NPAS3: variants seen among roughly 807,000 people sequenced by gnomAD.
NPAS3 encodes neuronal PAS domain-containing protein 3.
NPAS3 carries 14 observed loss-of-function variants against 73.1 expected under a neutral mutation model. That is an observed-to-expected ratio of 0.19 (90% CI 0.13 to 0.30). The LOEUF is 0.30. Among genes scored for constraint, NPAS3 ranks in the 10% least tolerant of loss-of-function variants. The probability of loss-of-function intolerance (pLI) is 1.00; values close to 1 mark genes in which losing one functional copy is unlikely to be tolerated. For synonymous variants in NPAS3, 620 were observed against 541.5 expected (o/e 1.14, Z -2.01); for missense variants, 1,096 against 1,250.0 (o/e 0.88, Z 1.86).
intron 4 of NPAS3, 110 bp from the exon 5 acceptor site, chr14:33,560,009 CAA>C (rs33950536): frequency 9.1e-3 from 3,538 of 389,000 alleles, no homozygotes; most frequent in South Asian, 0.016. Context: ...GACTCTGTCT[CAA>C]AAAAAAAAAA....
At chr14:33,744,139 A>G (rs1337047754) in intron 7 of NPAS3, among the ~76,000 whole-genome samples, 1 of 152,202 alleles carries the variant, frequency 6.6e-6, no homozygotes, top group Admixed American at 6.5e-5. Flanking sequence ...ACTGGCACCA[A>G]GAGGCTTTTG....
At chr14:33,727,202 G>A (rs2148333) in intron 6 of NPAS3, among the ~76,000 whole-genome samples, 68,502 of 120,190 alleles carry the variant, frequency 0.57, 16,866 homozygotes, top group Middle Eastern at 0.66. Context: ...ACCAGCTACC[G>A]CCCCATGGAT....
intron 2 of NPAS3, among the ~76,000 whole-genome samples, chr14:33,198,411 C>T (rs1194665150): frequency 1.3e-5 from 2 of 152,184 alleles, no homozygotes; most frequent in Admixed American, 6.5e-5. Context: ...GGCAGATTTA[C>T]AATTCCTGAG....
intron 2 of NPAS3, among the ~76,000 whole-genome samples, chr14:33,057,435 A>G (rs10147817): frequency 0.48 from 72,807 of 152,050 alleles, 20,009 homozygotes; most frequent in African/African-American, 0.77. Flanking sequence ...GTATAAGAAG[A>G]GGGTCCTTTA....
At chr14:33,629,045 C>A (rs893241526) in intron 5 of NPAS3, among the ~76,000 whole-genome samples, 1 of 151,970 alleles carries the variant, frequency 6.6e-6, no homozygotes, top group Non-Finnish European at 1.5e-5. Flanking sequence ...TCCTGGCTAA[C>A]ACGGTGAAAC....
chr14:32,974,015 T>C (rs2037549361), intron 1 of NPAS3, among the ~76,000 whole-genome samples: 1 of 152,220 alleles, frequency 6.6e-6, no homozygotes, highest in South Asian at 2.1e-4. Flanking sequence ...TAAATGGATT[T>C]CTGTTCCTTT....
intron 5 of NPAS3, among the ~76,000 whole-genome samples, chr14:33,609,929 GTTTA>G (rs932090550): frequency 1.3e-5 from 2 of 152,086 alleles, no homozygotes; most frequent in African/African-American, 4.8e-5. Flanking sequence ...TTGTTCATTT[GTTTA>G]TTTAAGTCTT....
chr14:33,483,695 C>T (rs552678784), intron 4 of NPAS3, among the ~76,000 whole-genome samples: 1 of 152,294 alleles, frequency 6.6e-6, no homozygotes, highest in Non-Finnish European at 1.5e-5. Flanking sequence ...TATGAGACTG[C>T]TAATGGAAAC....
intron 3 of NPAS3, among the ~76,000 whole-genome samples, chr14:33,331,172 G>A (rs532009993): frequency 6.6e-6 from 1 of 152,234 alleles, no homozygotes; most frequent in Non-Finnish European, 1.5e-5. Context: ...GATCTCATCA[G>A]TACCGAGACA....
intron 2 of NPAS3, among the ~76,000 whole-genome samples, chr14:33,173,400 A>G (rs1222513702): frequency 6.6e-6 from 1 of 152,182 alleles, no homozygotes; most frequent in Non-Finnish European, 1.5e-5. Flanking sequence ...GAAAATATCA[A>G]TGGTATAGGA....
At chr14:33,102,582 T>C (rs1311346399) in intron 2 of NPAS3, among the ~76,000 whole-genome samples, 2 of 152,162 alleles carry the variant, frequency 1.3e-5, no homozygotes, top group Admixed American at 6.5e-5. Context: ...ATTATTTTTA[T>C]TGGAGTGCCG....
chr14:33,683,355 G>A (rs1566419795), intron 6 of NPAS3, among the ~76,000 whole-genome samples: 2 of 142,526 alleles, frequency 1.4e-5, no homozygotes, highest in South Asian at 2.2e-4. Context: ...GTGATTGATA[G>A]GGATGTATTT....
chr14:33,126,503 T>C (rs937637654), intron 2 of NPAS3, among the ~76,000 whole-genome samples: 20 of 151,922 alleles, frequency 1.3e-4, no homozygotes, highest in Non-Finnish European at 5.9e-5. Flanking sequence ...GGATGGGAGA[T>C]TGTGGAGGTG....
intron 4 of NPAS3, among the ~76,000 whole-genome samples, chr14:33,551,588 C>T (rs1420011505): frequency 6.6e-6 from 1 of 152,116 alleles, no homozygotes; most frequent in Non-Finnish European, 1.5e-5. Context: ...TATGTATATA[C>T]TACCAGAGAA....
intron 2 of NPAS3, among the ~76,000 whole-genome samples, chr14:33,102,676 A>G (rs1365838838): frequency 1.3e-5 from 2 of 152,168 alleles, no homozygotes; most frequent in Non-Finnish European, 2.9e-5. Context: ...TGAAGCTGCT[A>G]TTGCCAGCAT....
At chr14:33,282,977 A>AT (rs2041691747) in intron 3 of NPAS3, among the ~76,000 whole-genome samples, 2 of 152,146 alleles carry the variant, frequency 1.3e-5, no homozygotes, top group Non-Finnish European at 2.9e-5. Flanking sequence ...CATTCTTGAG[A>AT]TTCCCCTAGA....
chr14:33,773,461 C>A (rs182767604), intron 7 of NPAS3, among the ~76,000 whole-genome samples: 1 of 152,296 alleles, frequency 6.6e-6, no homozygotes, highest in Non-Finnish European at 1.5e-5. Context: ...CATAGTGGCA[C>A]AAATCCTGCC....
intron 4 of NPAS3, among the ~76,000 whole-genome samples, chr14:33,468,702 GA>G (rs1474112611): frequency 6.6e-6 from 1 of 152,102 alleles, no homozygotes; most frequent in East Asian, 1.9e-4. Flanking sequence ...CTTATTACAA[GA>G]GTGGTCATCG....
intron 2 of NPAS3, among the ~76,000 whole-genome samples, chr14:33,166,931 C>A (rs916660148): frequency 6.6e-6 from 1 of 152,176 alleles, no homozygotes; most frequent in Non-Finnish European, 1.5e-5. Context: ...AAAGGCACTG[C>A]TCTTTTCTTA....
Sources: allele counts gnomAD v4.1 joint callset (sites outside exome capture counted in the v4.1 genomes callset), GRCh38; gene constraint gnomAD v4.1.1; transcripts MANE v1.5; gene names NCBI Gene and HGNC (gene_info 2026-07-23, HGNC 2026-07-21).